Variants in PCDHGB7 observed in about 807,000 individuals in gnomAD.
PCDHGB7 encodes protocadherin gamma-B7.
A neutral mutation model predicts 61.4 loss-of-function variants in PCDHGB7; 37 were observed. The observed-to-expected ratio is 0.60, with a 90% confidence interval of 0.46 to 0.79. PCDHGB7 has a LOEUF of 0.79. Among genes scored for constraint, PCDHGB7 ranks in the 30% least tolerant of loss-of-function variants. PCDHGB7 has a pLI of 0.00. For synonymous variants in PCDHGB7, 464 were observed against 503.5 expected (o/e 0.92, Z 1.05); for missense variants, 1,166 against 1,202.5 (o/e 0.97, Z 0.45).
In PCDHGB7 at chr5:141,422,942, G is replaced by T. The variant is rs199976232; in HGVS notation, c.2415+2668G>T. On this transcript the variant is annotated intron_variant, in intron 1 of 3. Transcript: ENST00000398594. Reference sequence around the variant, plus strand: ...CTGTACCCTGCCCTCCCCACAGACGGCTCCACTGGCGTGGAGCTGGCGCCC... The same window carrying T: ...CTGTACCCTGCCCTCCCCACAGACGTCTCCACTGGCGTGGAGCTGGCGCCC... The T allele has an allele frequency of 3.6e-4, 583 of 1,614,096 alleles. 1 individual carries two copies. Among genetic ancestry groups the T allele is most frequent in the South Asian group, 5.2e-4 (47 of 91,090 alleles).
chr5:141,494,194 G>A (rs1446357035), intron 1 of PCDHGB7, among the ~76,000 whole-genome samples: 2 of 152,182 alleles, frequency 1.3e-5, no homozygotes, highest in Non-Finnish European at 2.9e-5. Flanking sequence ...GGACTTGGAT[G>A]CCCCGCAAAG....
Position 141,490,644 on chromosome 5 carries a change from T to G in PCDHGB7, c.2416-4163T>G, listed in dbSNP as rs772742713. 1 of 1,614,188 alleles carries G rather than the reference T, an allele frequency of 6.2e-7. No individual in the cohort carries two copies. Among genetic ancestry groups the G allele is most frequent in the Non-Finnish European group, 8.5e-7 (1 of 1,180,016 alleles). The stretch of plus-strand genomic sequence containing the variant: ...CTGCTTACATCCTAGAAAACCGGCC[T>G]CCGGGCTCCCTTCTTTGCACTGTGG... On this transcript the variant is annotated intron_variant, in intron 1 of 3. Transcript: ENST00000398594. The surrounding 1 kb of genome is among the most constrained non-coding windows in gnomAD (Gnocchi z 5.4).
intron 1 of PCDHGB7, chr5:141,471,533 G>C (rs921328911): frequency 1.3e-5 from 2 of 152,234 alleles, no homozygotes. Context: ...AGGAAGCTAT[G>C]ATAGCATTTA....
intron 2 of PCDHGB7, among the ~76,000 whole-genome samples, chr5:141,502,382 T>C (rs1668612742): frequency 1.3e-5 from 2 of 152,088 alleles, no homozygotes; most frequent in Non-Finnish European, 2.9e-5. Context: ...CCAGGCCAGT[T>C]GTACTTTAAA....
At chr5:141,460,580 G>A (rs1037056676) in intron 1 of PCDHGB7, among the ~76,000 whole-genome samples, 7 of 152,160 alleles carry the variant, frequency 4.6e-5, no homozygotes, top group African/African-American at 1.4e-4. Flanking sequence ...ATGTAGGTGT[G>A]GGTTTTTTCT....
At chr5:141,462,627 A>T (rs1200455153) in intron 1 of PCDHGB7, among the ~76,000 whole-genome samples, 1 of 150,276 alleles carries the variant, frequency 6.7e-6, no homozygotes, top group East Asian at 1.9e-4. Flanking sequence ...TAGAAGTTCC[A>T]TTTGACTCTT....
chr5:141,430,855 C>T, intron 1 of PCDHGB7: 7 of 1,588,596 alleles, frequency 4.4e-6, no homozygotes, highest in Non-Finnish European at 6.0e-6. Context: ...CCCAGATACG[C>T]TATTCAGTTC....
chr5:141,487,616 G>A lies in PCDHGB7; in HGVS notation c.2416-7191G>A. On this transcript the variant is annotated intron_variant, in intron 1 of 3. Transcript: ENST00000398594. This position sits in a 1 kb window ranked among gnomAD's most constrained non-coding sequence, Gnocchi z 5.0. ...CTCTGATCTTCTCTATGGGCTAGAG[G>A]TGAGACCTTTGCAGGCTCAACAAAT... 2 of 1,614,220 alleles carry A rather than the reference G, an allele frequency of 1.2e-6. No homozygotes were observed. The highest frequency in any genetic ancestry group is 1.7e-6 in the Non-Finnish European group (2 of 1,180,044).
Position 141,431,388 on chromosome 5 carries a change from T to G in PCDHGB7, c.2415+11114T>G. 1 of 1,613,920 alleles carries G rather than the reference T, an allele frequency of 6.2e-7. No individual in the cohort carries two copies. The highest frequency in any genetic ancestry group is 8.5e-7 in the Non-Finnish European group (1 of 1,180,038). ...CGCGAAGAAAAGGCTGCTCACCACC[T>G]GGTCCTTACGGCCTCCGACGGGGGC... On this transcript the variant is annotated intron_variant, in intron 1 of 3. Transcript: ENST00000398594. The surrounding 1 kb of genome is among the most constrained non-coding windows in gnomAD (Gnocchi z 4.8).
intron 1 of PCDHGB7, chr5:141,422,668 G>A: frequency 6.2e-7 from 1 of 1,607,686 alleles, no homozygotes; most frequent in Non-Finnish European, 8.5e-7. Context: ...CCTCGACCCG[G>A]ACAGCAAACA....
intron 2 of PCDHGB7, among the ~76,000 whole-genome samples, chr5:141,495,968 CTGTTACTCTTTCTT>C (rs1033811907): frequency 6.6e-6 from 1 of 152,126 alleles, no homozygotes; most frequent in African/African-American, 2.4e-5. Context: ...GCCTCTTTCT[CTGTTACTCTTTCTT>C]TATCTCTCTT....
Position 141,485,072 on chromosome 5 carries a change from G to C in PCDHGB7, c.2416-9735G>C. 1.1e-6 allele frequency: 1 copy of C among 917,012 alleles called. No individual in the cohort carries two copies. The highest frequency in any genetic ancestry group is 1.7e-6 in the Non-Finnish European group (1 of 587,880). 56.8% of individuals were successfully genotyped at this position (917,012 alleles called of 1,614,324 possible). On this transcript the variant is annotated intron_variant, in intron 1 of 3. Coordinates refer to ENST00000398594, the MANE Select transcript of PCDHGB7 (RefSeq NM_018927.4). The surrounding 1 kb of genome is among the most constrained non-coding windows in gnomAD (Gnocchi z 5.7). ...CCGGCCGAACCGCGCCAGAGCTGGCGCGGGGAAAGGGAGATAGGTGTCTCC... is the reference window on the plus strand; with the variant it reads ...CCGGCCGAACCGCGCCAGAGCTGGCCCGGGGAAAGGGAGATAGGTGTCTCC...
rs368875631 is a variant in PCDHGB7, at chr5:141,419,537, C to G, written c.1678C>G (p.Pro560Ala). The change falls in exon 1 of 4, where the codon CCG (proline) becomes GCG (alanine). Residue 560 changes from proline to alanine, a missense_variant. Coordinates refer to ENST00000398594, the MANE Select transcript of PCDHGB7 (RefSeq NM_018927.4). ...GGTGGGCGACCGTAACGACAACGCA[C>G]CGCGGGTGCTGTACCCTGCGCTGGG... ...VLVGDRNDNA[P>A]RVLYPALGPD... The G allele has an allele frequency of 1.2e-6, 2 of 1,612,040 alleles. No homozygotes were observed. The highest frequency in any genetic ancestry group is 1.7e-6 in the Non-Finnish European group (2 of 1,179,540).
At chr5:141,423,294 C>T (rs1222440954) in intron 1 of PCDHGB7, 22 of 1,614,036 alleles carry the variant, frequency 1.4e-5, no homozygotes, top group Admixed American at 1.3e-4. Flanking sequence ...AAACCTCAGA[C>T]CTCTCGCTGT....
intron 1 of PCDHGB7, chr5:141,440,968 T>A (rs1487107428): frequency 6.6e-6 from 1 of 152,198 alleles, no homozygotes; most frequent in African/African-American, 2.4e-5. Flanking sequence ...AGATCACATA[T>A]GGCTTCACAA....
rs761905572 is a variant in PCDHGB7 at position 141,486,493 on chromosome 5, T to A, written c.2416-8314T>A. The A allele has an allele frequency of 2.5e-6, 4 of 1,614,136 alleles. No homozygotes were observed. The highest frequency in any genetic ancestry group is 1.7e-4 in the Middle Eastern group (1 of 6,060). On this transcript the variant is annotated intron_variant, in intron 1 of 3. Transcript: ENST00000398594. This position sits in a 1 kb window ranked among gnomAD's most constrained non-coding sequence, Gnocchi z 5.0. ...ACCCTCCTCTCAGTACCCACAGAAC[T>A]ATTTTCCTCAATATTTCAGATGTGA... is the stretch of plus-strand genomic sequence containing the variant.
intron 1 of PCDHGB7, among the ~76,000 whole-genome samples, chr5:141,467,950 C>T (rs780236016): frequency 2.6e-5 from 4 of 152,290 alleles, no homozygotes; most frequent in Admixed American, 6.5e-5. Context: ...TGAGCCACCA[C>T]ACCCGGCTGC....
chr5:141,435,883 C>A (rs1458527952), intron 1 of PCDHGB7, among the ~76,000 whole-genome samples: 1 of 152,020 alleles, frequency 6.6e-6, no homozygotes, highest in African/African-American at 2.4e-5. Flanking sequence ...GATTGGAAAC[C>A]CCTTAGAGAA....
At chr5:141,449,328 C>G (rs1340432771) in intron 1 of PCDHGB7, among the ~76,000 whole-genome samples, 1 of 151,866 alleles carries the variant, frequency 6.6e-6, no homozygotes, top group African/African-American at 2.4e-5. Flanking sequence ...ATCTGTAGGC[C>G]AGGTGCAGTG....
Sources: gnomAD v4.1 joint callset for allele counts (sites outside exome capture counted in the v4.1 genomes callset) on GRCh38, gnomAD v4.1.1 for gene constraint, Gnocchi (gnomAD v3.1) non-coding constraint, MANE v1.5 for transcripts, NCBI Gene and HGNC (gene_info 2026-07-23, HGNC 2026-07-21) for gene names.